MARCHF7: variants seen among roughly 807,000 people sequenced by gnomAD.
MARCHF7 encodes E3 ubiquitin-protein ligase MARCHF7.
A neutral mutation model predicts 76.5 loss-of-function variants in MARCHF7; 20 were observed. The observed-to-expected ratio is 0.26, with a 90% CI of 0.18 to 0.38. The LOEUF (loss-of-function observed/expected upper bound fraction) is 0.38, where lower values mean the gene tolerates loss of function less well. Among genes scored for constraint, MARCHF7 ranks in the 10% least tolerant of loss-of-function variants. MARCHF7 has a pLI of 1.00. For synonymous variants in MARCHF7, 295 were observed against 293.0 expected (o/e 1.01, Z -0.07); for missense variants, 797 against 812.9 (o/e 0.98, Z 0.24).
intron 7 of MARCHF7, among the ~76,000 whole-genome samples, chr2:159,750,519 G>A (rs1474060923): frequency 1.3e-5 from 2 of 151,800 alleles, no homozygotes; most frequent in Admixed American, 1.3e-4. Context: ...GCAAGACTCT[G>A]TCTCAAAATA....
At chr2:159,738,290 T>A (rs1027517940) in intron 4 of MARCHF7, among the ~76,000 whole-genome samples, 3 of 152,108 alleles carry the variant, frequency 2.0e-5, no homozygotes, top group Non-Finnish European at 4.4e-5. Context: ...ACAGCCCTGG[T>A]TCAGGGAGCT....
At chr2:159,747,248 G>A (rs1177557173) in intron 6 of MARCHF7, among the ~76,000 whole-genome samples, 1 of 152,032 alleles carries the variant, frequency 6.6e-6, no homozygotes, top group Non-Finnish European at 1.5e-5. Flanking sequence ...AGGAACTATA[G>A]GATAAGAACC....
At chr2:159,723,674 C>T (rs747999738) in intron 3 of MARCHF7, among the ~76,000 whole-genome samples, 7 of 152,140 alleles carry the variant, frequency 4.6e-5, no homozygotes, top group African/African-American at 1.2e-4. Flanking sequence ...CAATATGTAG[C>T]AAATTGATTC....
intron 3 of MARCHF7, among the ~76,000 whole-genome samples, chr2:159,719,853 A>G (rs1574186442): frequency 6.6e-6 from 1 of 152,344 alleles, no homozygotes. Context: ...ATGCATTGAT[A>G]TGGGCATATT....
In MARCHF7 at chr2:159,748,211, A is replaced by G; in HGVS notation, c.921A>G (p.Arg307=). The part of the protein sequence containing the change: ...RRSSQDSLNT[R]SLNSENSYVS... ...CTAGTCAGGATTCCTTGAATACAAG[A>G]TCATTGAATTCTGAAAATTCTTACG... The change falls in exon 7 of 12, where the codon AGA becomes AGG. Residue 307 remains arginine (R), a synonymous_variant. Transcript: ENST00000409175. 1.2e-6 allele frequency: 2 copies of G among 1,614,040 alleles called. No homozygotes were observed. Among genetic ancestry groups the G allele is most frequent in the East Asian group, 2.2e-5 (1 of 44,888 alleles).
intron 7 of MARCHF7, among the ~76,000 whole-genome samples, chr2:159,749,175 A>G (rs1300399128): frequency 6.6e-6 from 1 of 151,680 alleles, no homozygotes; most frequent in Admixed American, 6.6e-5. Flanking sequence ...ACGGGGTTTC[A>G]CCATGTTGGT....
intron 11 of MARCHF7, among the ~76,000 whole-genome samples, chr2:159,765,983 G>C (rs889970826): frequency 2.6e-5 from 4 of 152,102 alleles, no homozygotes; most frequent in African/African-American, 9.6e-5. Flanking sequence ...GTTTTCCCCA[G>C]ATTTCTCCAT....
At chr2:159,739,924 T>G (rs992504862) in intron 4 of MARCHF7, among the ~76,000 whole-genome samples, 22 of 152,238 alleles carry the variant, frequency 1.4e-4, no homozygotes, top group African/African-American at 4.8e-4. Context: ...AGTGTCACTT[T>G]AAGTCTTTGG....
At chr2:159,762,792 T>A in intron 9 of MARCHF7, 88 bp from the exon 10 acceptor site, 1 of 611,598 alleles carries the variant, frequency 1.6e-6, no homozygotes, top group Non-Finnish European at 2.8e-6. Context: ...TCCTCTAGTT[T>A]ATCAGTGTAC....
intron 4 of MARCHF7, among the ~76,000 whole-genome samples, chr2:159,739,645 A>G (rs1386482107): frequency 6.6e-6 from 1 of 152,228 alleles, no homozygotes; most frequent in Non-Finnish European, 1.5e-5. Context: ...TTAATTGTTC[A>G]AAGAATTCCG....
chr2:159,753,510 C>G (rs1705918510), intron 8 of MARCHF7, among the ~76,000 whole-genome samples: 1 of 151,448 alleles, frequency 6.6e-6, no homozygotes, highest in Admixed American at 6.6e-5. Flanking sequence ...GAGATTGCGC[C>G]ACTGCACTCC....
intron 3 of MARCHF7, among the ~76,000 whole-genome samples, chr2:159,725,399 G>C (rs549702733): frequency 1.3e-5 from 2 of 152,082 alleles, no homozygotes; most frequent in East Asian, 1.9e-4. Flanking sequence ...ATGGTGTCTC[G>C]TTGTGGTTTT....
chr2:159,752,668 T>G (rs911841606), intron 8 of MARCHF7, 97 bp downstream of exon 8: 2 of 1,108,204 alleles, frequency 1.8e-6, no homozygotes, highest in Admixed American at 3.0e-5. Context: ...ATTTAGACTT[T>G]TAACAAGTGT....
At chr2:159,760,214 T>A (rs1450905741) in intron 9 of MARCHF7, among the ~76,000 whole-genome samples, 1 of 152,258 alleles carries the variant, frequency 6.6e-6, no homozygotes, top group Admixed American at 6.5e-5. Flanking sequence ...TAATATATGA[T>A]ATTTTCTGAA....
intron 6 of MARCHF7, among the ~76,000 whole-genome samples, chr2:159,746,958 G>A (rs1436073728): frequency 6.6e-6 from 1 of 152,140 alleles, no homozygotes; most frequent in Non-Finnish European, 1.5e-5. Context: ...TAGCTTTTAG[G>A]TTTTGGAGTA....
intron 4 of MARCHF7, 92 bp from the exon 5 acceptor site, chr2:159,742,969 T>A: frequency 8.6e-7 from 1 of 1,161,156 alleles, no homozygotes; most frequent in South Asian, 1.5e-5. Flanking sequence ...GTAGAAAAAT[T>A]GATGCTTGTG....
At chr2:159,761,245 A>G (rs1336882260) in intron 9 of MARCHF7, among the ~76,000 whole-genome samples, 2 of 151,762 alleles carry the variant, frequency 1.3e-5, no homozygotes, top group Admixed American at 6.6e-5. Flanking sequence ...GCTGGTCTTG[A>G]ACTCCTGACC....
At chr2:159,755,824 T>TTGGAGGAGTTGGG (rs1226798237) in intron 8 of MARCHF7, among the ~76,000 whole-genome samples, 1 of 152,110 alleles carries the variant, frequency 6.6e-6, no homozygotes, top group Non-Finnish European at 1.5e-5. Flanking sequence ...TCATAATCTG[T>TTGGAGGAGTTGGG]TGGAGGAGTT....
intron 5 of MARCHF7, among the ~76,000 whole-genome samples, chr2:159,743,848 T>C (rs1191243464): frequency 3.3e-5 from 5 of 151,824 alleles, no homozygotes; most frequent in Non-Finnish European, 7.4e-5. Context: ...TTTGAGGTTA[T>C]GGTGAGCTAT....
Sources: gnomAD v4.1 joint callset for allele counts (sites outside exome capture counted in the v4.1 genomes callset) on GRCh38, gnomAD v4.1.1 for gene constraint, MANE v1.5 for transcripts, NCBI Gene and HGNC (gene_info 2026-07-23, HGNC 2026-07-21) for gene names.